IL1RAPL1: variants seen among roughly 807,000 people sequenced by gnomAD.
IL1RAPL1 encodes the protein interleukin-1 receptor accessory protein-like 1.
A neutral mutation model predicts 48.4 loss-of-function variants in IL1RAPL1; 3 were observed. The observed-to-expected ratio is 0.06, with a 90% confidence interval of 0.03 to 0.16. The LOEUF (loss-of-function observed/expected upper bound fraction) is 0.16. Among genes scored for constraint, IL1RAPL1 ranks in the 10% least tolerant of loss-of-function variants. The probability of loss-of-function intolerance (pLI) is 1.00; values close to 1 mark genes in which losing one functional copy is unlikely to be tolerated. For synonymous variants in IL1RAPL1, 185 were observed against 187.7 expected, an observed-to-expected ratio of 0.99 and a Z score of 0.12; for missense variants, 349 against 530.6, an observed-to-expected ratio of 0.66 and a Z score of 3.36.
At chrX:28,874,540 G>C (rs1278741485) in intron 2 of IL1RAPL1, among the ~76,000 whole-genome samples, 1 of 111,886 alleles carries the variant, frequency 8.9e-6, no homozygotes, top group Non-Finnish European at 1.9e-5. Flanking sequence ...GTTATCTTGA[G>C]TTAATTATTT....
At chrX:29,678,342 CTTTTTTTTTTTTTTTTTT>C (rs140827802) in intron 6 of IL1RAPL1, among the ~76,000 whole-genome samples, 2 of 41,708 alleles carry the variant, frequency 4.8e-5, no homozygotes, top group South Asian at 3.3e-3. Flanking sequence ...TTCAACACTA[CTTTTTTTTTTTTTTTTTT>C]TTTTTTTTTT....
intron 2 of IL1RAPL1, among the ~76,000 whole-genome samples, chrX:28,831,051 T>TGC: frequency 1.1e-5 from 1 of 87,061 alleles, no homozygotes; most frequent in South Asian, 6.2e-4. Flanking sequence ...TGTGTGTGTG[T>TGC]GTGTGTGTGT....
intron 3 of IL1RAPL1, among the ~76,000 whole-genome samples, chrX:29,367,212 C>G (rs1954811254): frequency 9.0e-6 from 1 of 111,603 alleles, no homozygotes; most frequent in Non-Finnish European, 1.9e-5. Flanking sequence ...ATTTTTCATT[C>G]ATTTGTCCAT....
chrX:29,956,072 T>G lies in IL1RAPL1; in HGVS notation c.*252T>G. The G allele has an allele frequency of 2.6e-6, 1 of 385,590 alleles. No individual in the cohort carries two copies. The highest frequency in any genetic ancestry group is 4.3e-5 in the Admixed American group (1 of 23,027). 31.8% of individuals were successfully genotyped at this position (385,590 alleles called of 1,213,427 possible). On this transcript the variant is annotated 3_prime_UTR_variant, in exon 11 of 11. Coordinates refer to ENST00000378993, the MANE Select transcript of IL1RAPL1 (RefSeq NM_014271.4). ...TGTCGTTGGAATTTGTAAATTTACA[T>G]TTTTTTTAAAGAAGAGACTGATGTG...
At chrX:28,823,341 T>C (rs867994870) in intron 2 of IL1RAPL1, among the ~76,000 whole-genome samples, 1 of 111,462 alleles carries the variant, frequency 9.0e-6, no homozygotes, top group Admixed American at 9.6e-5. Flanking sequence ...AATTTCCTCA[T>C]ATCTCATTCT....
At chrX:29,273,980 A>G (rs1932081385) in intron 2 of IL1RAPL1, among the ~76,000 whole-genome samples, 2 of 111,995 alleles carry the variant, frequency 1.8e-5, no homozygotes, top group Non-Finnish European at 3.8e-5. Context: ...TTTTATTTGT[A>G]AATTATGCCT....
intron 5 of IL1RAPL1, among the ~76,000 whole-genome samples, chrX:29,510,262 T>C (rs1935380410): frequency 8.9e-6 from 1 of 112,313 alleles, no homozygotes; most frequent in African/African-American, 3.2e-5. Flanking sequence ...TGTATCTACT[T>C]TGAAAAACAG....
At chrX:28,868,543 C>T (rs1569189321) in intron 2 of IL1RAPL1, among the ~76,000 whole-genome samples, 1 of 111,139 alleles carries the variant, frequency 9.0e-6, no homozygotes, top group Non-Finnish European at 1.9e-5. Context: ...CAACATGGTA[C>T]TCCTTGCCAG....
chrX:29,269,979 G>T (rs1932015235), intron 2 of IL1RAPL1, among the ~76,000 whole-genome samples: 1 of 110,793 alleles, frequency 9.0e-6, no homozygotes, highest in African/African-American at 3.3e-5. Flanking sequence ...ACTATAGTTT[G>T]CATTTTCTAG....
At chrX:28,978,143 T>C (rs1031777925) in intron 2 of IL1RAPL1, among the ~76,000 whole-genome samples, 1 of 110,562 alleles carries the variant, frequency 9.0e-6, no homozygotes, top group Non-Finnish European at 1.9e-5. Context: ...GAGGAAGAAA[T>C]TGGTGATGCA....
chrX:29,935,212 G>A (rs1167852159), intron 8 of IL1RAPL1, among the ~76,000 whole-genome samples: 1 of 110,814 alleles, frequency 9.0e-6, no homozygotes, highest in African/African-American at 3.3e-5. Context: ...TATTGGTGAT[G>A]TTAAATTTGG....
At chrX:29,422,870 C>T (rs956614139) in intron 5 of IL1RAPL1, among the ~76,000 whole-genome samples, 1 of 111,519 alleles carries the variant, frequency 9.0e-6, no homozygotes, top group Non-Finnish European at 1.9e-5. Context: ...CCCCTCCTTT[C>T]GGCCAAGAGC....
chrX:29,326,334 A>G (rs1175269643), intron 3 of IL1RAPL1, among the ~76,000 whole-genome samples: 3 of 112,287 alleles, frequency 2.7e-5, no homozygotes, highest in Non-Finnish European at 5.6e-5. Context: ...GTTCATTTGT[A>G]TGTCTTTCCA....
chrX:28,856,510 A>G (rs1921809492), intron 2 of IL1RAPL1, among the ~76,000 whole-genome samples: 1 of 111,719 alleles, frequency 9.0e-6, no homozygotes, highest in African/African-American at 3.3e-5. Context: ...ATCCTGTTGT[A>G]CAGTACGTCT....
At chrX:29,707,461 A>G (rs1276745655) in intron 6 of IL1RAPL1, among the ~76,000 whole-genome samples, 1 of 111,896 alleles carries the variant, frequency 8.9e-6, no homozygotes, top group Non-Finnish European at 1.9e-5. Flanking sequence ...ATAAGTAATT[A>G]TATGAAAAAA....
chrX:29,544,181 G>C (rs1420695542), intron 5 of IL1RAPL1, among the ~76,000 whole-genome samples: 3 of 111,436 alleles, frequency 2.7e-5, no homozygotes, highest in Non-Finnish European at 5.7e-5. Flanking sequence ...ATCTATCCCT[G>C]CCAAACAATT....
intron 1 of IL1RAPL1, among the ~76,000 whole-genome samples, chrX:28,774,573 T>C (rs1936343110): frequency 9.0e-6 from 1 of 111,705 alleles, no homozygotes; most frequent in Non-Finnish European, 1.9e-5. Context: ...GCTCTCAAAA[T>C]GGCAGCTGGC....
In IL1RAPL1 at chrX:29,419,666, A is replaced by G. The variant is rs1934267669; in HGVS notation, c.703+20358A>G. 3.6e-5 allele frequency among the ~76,000 whole-genome samples: 4 copies of G among 112,337 alleles called. No homozygotes were observed. The Admixed American group carries it at 3.8e-4, about 11-fold the overall frequency. On this transcript the variant is annotated intron_variant, in intron 5 of 10. Coordinates refer to ENST00000378993, the MANE Select transcript of IL1RAPL1 (RefSeq NM_014271.4). ...TGTGTGCTTTTTTTGTTTGTTCATA[A>G]CATTCAGAGTTCTAGAGCATAATTA...
intron 2 of IL1RAPL1, among the ~76,000 whole-genome samples, chrX:28,989,116 A>G (rs1164181516): frequency 8.9e-6 from 1 of 112,278 alleles, no homozygotes; most frequent in Non-Finnish European, 1.9e-5. Flanking sequence ...GGTATGCTTC[A>G]CCATTGTATT....
Sources: allele counts gnomAD v4.1 joint callset (sites outside exome capture counted in the v4.1 genomes callset), GRCh38; gene constraint gnomAD v4.1.1; transcripts MANE v1.5; gene names NCBI Gene and HGNC (gene_info 2026-07-23, HGNC 2026-07-21).